Variants in MIR2052HG observed in about 807,000 individuals in gnomAD.
MIR2052HG encodes the protein MIR2052 host gene.
chr8:74,746,092 G>C (rs927713630), intron 4 of MIR2052HG, among the ~76,000 whole-genome samples: 3 of 152,102 alleles, frequency 2.0e-5, no homozygotes, highest in Non-Finnish European at 4.4e-5. Flanking sequence ...TAAGAAAGTG[G>C]TTTGATTCTT....
chr8:74,701,613 G>T (rs114688720), intron 2 of MIR2052HG, among the ~76,000 whole-genome samples: 1,694 of 152,086 alleles, frequency 0.011, 27 homozygotes, highest in African/African-American at 0.038. Context: ...TGTCTCTTTT[G>T]CTTCTTGTCA....
chr8:74,694,923 G>T (rs1012739647), intron 2 of MIR2052HG, among the ~76,000 whole-genome samples: 2 of 152,090 alleles, frequency 1.3e-5, no homozygotes, highest in East Asian at 1.9e-4. Context: ...AATAATAAAA[G>T]TTCTCCAGCC....
intron 2 of MIR2052HG, among the ~76,000 whole-genome samples, chr8:74,634,514 T>C (rs2128734647): frequency 6.6e-6 from 1 of 152,270 alleles, no homozygotes; most frequent in Non-Finnish European, 1.5e-5. Context: ...CATTTTCACC[T>C]TAAATTTTTT....
At chr8:74,717,553 C>T (rs1458444565) in intron 4 of MIR2052HG, among the ~76,000 whole-genome samples, 1 of 152,124 alleles carries the variant, frequency 6.6e-6, no homozygotes, top group Non-Finnish European at 1.5e-5. Flanking sequence ...TGTTGTGGCT[C>T]TTGCCCGTAA....
intron 2 of MIR2052HG, among the ~76,000 whole-genome samples, chr8:74,623,828 G>A (rs920058709): frequency 6.6e-6 from 1 of 152,176 alleles, no homozygotes; most frequent in Non-Finnish European, 1.5e-5. Flanking sequence ...ATGGCTTGAT[G>A]ATCTGTATAT....
intron 4 of MIR2052HG, among the ~76,000 whole-genome samples, chr8:74,736,340 A>G (rs1001227128): frequency 1.1e-4 from 16 of 152,222 alleles, no homozygotes; most frequent in Non-Finnish European, 1.5e-5. Flanking sequence ...TTTTGAAAAT[A>G]CTATTGTAAT....
At chr8:74,654,032 C>A (rs1380591514) in intron 2 of MIR2052HG, among the ~76,000 whole-genome samples, 1 of 152,124 alleles carries the variant, frequency 6.6e-6, no homozygotes, top group African/African-American at 2.4e-5. Context: ...AATAGAGGCA[C>A]CTCAGGACCA....
intron 2 of MIR2052HG, among the ~76,000 whole-genome samples, chr8:74,653,926 T>C (rs943973891): frequency 5.9e-5 from 9 of 152,196 alleles, no homozygotes; most frequent in Non-Finnish European, 1.2e-4. Flanking sequence ...TTTTTCAAGA[T>C]GGTTTTCTCA....
At chr8:74,727,780 TG>T (rs1809651884) in intron 4 of MIR2052HG, among the ~76,000 whole-genome samples, 1 of 152,170 alleles carries the variant, frequency 6.6e-6, no homozygotes. Context: ...TAAAGAGCTC[TG>T]GGGTGTGTTT....
At chr8:74,615,815 A>G (rs1165517726) in intron 2 of MIR2052HG, among the ~76,000 whole-genome samples, 22 of 151,808 alleles carry the variant, frequency 1.4e-4, no homozygotes, top group Admixed American at 1.4e-3. Flanking sequence ...CCTGTGTCCA[A>G]GTGTTATCAT....
intron 1 of MIR2052HG, among the ~76,000 whole-genome samples, chr8:74,602,815 G>GTCTT (rs1338395340): frequency 3.7e-3 from 84 of 22,548 alleles, no homozygotes; most frequent in South Asian, 7.4e-3. Flanking sequence ...ATGCCCGGCC[G>GTCTT]TGTTTCTTTC....
intron 4 of MIR2052HG, among the ~76,000 whole-genome samples, chr8:74,735,304 T>C (rs1809734185): frequency 6.6e-6 from 1 of 152,218 alleles, no homozygotes; most frequent in South Asian, 2.1e-4. Context: ...TGAGTAAGTC[T>C]TGTTGACAAG....
chr8:74,748,162 G>T (rs1809906771), intron 4 of MIR2052HG, among the ~76,000 whole-genome samples: 1 of 152,146 alleles, frequency 6.6e-6, no homozygotes, highest in African/African-American at 2.4e-5. Context: ...TGAAGGATTG[G>T]AATACAAGCC....
chr8:74,628,801 C>T (rs1808470719), intron 2 of MIR2052HG: 1 of 151,930 alleles, frequency 6.6e-6, no homozygotes, highest in South Asian at 2.1e-4. Flanking sequence ...TAAGTCTGAC[C>T]TTTGGTGTTG....
At chr8:74,724,526 A>C (rs1809614628) in intron 4 of MIR2052HG, among the ~76,000 whole-genome samples, 1 of 152,218 alleles carries the variant, frequency 6.6e-6, no homozygotes, top group Non-Finnish European at 1.5e-5. Flanking sequence ...TGTCACAGAA[A>C]AAAATGACAT....
At chr8:74,658,830 T>G (rs944686361) in intron 2 of MIR2052HG, among the ~76,000 whole-genome samples, 2 of 152,218 alleles carry the variant, frequency 1.3e-5, no homozygotes. Flanking sequence ...AGCATCTTAT[T>G]TTATTGGCAT....
chr8:74,633,767 T>C (rs1808548799), intron 2 of MIR2052HG, among the ~76,000 whole-genome samples: 1 of 152,214 alleles, frequency 6.6e-6, no homozygotes, highest in African/African-American at 2.4e-5. Flanking sequence ...ATTGTCCTGA[T>C]AGATGTATTG....
At chr8:74,643,683 A>G (rs1332430230) in intron 2 of MIR2052HG, among the ~76,000 whole-genome samples, 1 of 152,226 alleles carries the variant, frequency 6.6e-6, no homozygotes, top group East Asian at 1.9e-4. Flanking sequence ...ATTAAAAAAT[A>G]TTAGAAGCAT....
chr8:74,713,729 A>G (rs915060771), intron 4 of MIR2052HG, among the ~76,000 whole-genome samples: 1 of 152,134 alleles, frequency 6.6e-6, no homozygotes, highest in Non-Finnish European at 1.5e-5. Flanking sequence ...ACTTTGCATA[A>G]CGTTACCTAT....
Sources: allele counts gnomAD v4.1 joint callset (sites outside exome capture counted in the v4.1 genomes callset), GRCh38; gene constraint gnomAD v4.1.1; transcripts MANE v1.5; gene names NCBI Gene and HGNC (gene_info 2026-07-23, HGNC 2026-07-21).